MARK4: variants seen among roughly 807,000 people sequenced by gnomAD.
The protein encoded by MARK4 is microtubule affinity regulating kinase 4.
MARK4 carries 19 observed loss-of-function variants against 81.5 expected under a neutral mutation model. The ratio of observed to expected loss-of-function variants is 0.23; its 90% CI spans 0.16 to 0.34. The LOEUF (loss-of-function observed/expected upper bound fraction) is 0.34. Ranked by LOEUF, MARK4 falls within the 10% of genes least tolerant of loss-of-function variation. MARK4 has a pLI of 1.00. For missense variants in MARK4, 772 were observed against 1,058.8 expected (o/e 0.73, Z 3.76); for synonymous variants, 436 against 439.0 (o/e 0.99, Z 0.08).
chr19:45,256,443 GA>G (rs1033600127), intron 1 of MARK4, among the ~76,000 whole-genome samples: 2 of 151,692 alleles, frequency 1.3e-5, no homozygotes, highest in African/African-American at 4.8e-5. Flanking sequence ...GTGTCAAAAA[GA>G]AAAAAAATAA....
chr19:45,289,499 G>A (rs766202011), intron 13 of MARK4, among the ~76,000 whole-genome samples: 2 of 151,726 alleles, frequency 1.3e-5, no homozygotes, highest in Admixed American at 6.6e-5. Flanking sequence ...GGCTGGGCAC[G>A]GTGGCTCATG....
chr19:45,275,217 C>T (rs904964026), intron 8 of MARK4, among the ~76,000 whole-genome samples: 2 of 152,102 alleles, frequency 1.3e-5, no homozygotes, highest in Admixed American at 6.5e-5. Flanking sequence ...GCCGAGATTG[C>T]GCCCCTGCAC....
At chr19:45,267,184 G>A (rs1185014332) in intron 7 of MARK4, among the ~76,000 whole-genome samples, 2 of 152,002 alleles carry the variant, frequency 1.3e-5, no homozygotes, top group Admixed American at 6.6e-5. Flanking sequence ...TCAGCCTCCC[G>A]AGTAGCTGAG....
In MARK4 at chr19:45,263,261, G is replaced by A; in HGVS notation, c.307-58G>A. ...TCCTGCGGGGGCCCGGCTGGGGAAA[G>A]GATCCCCCAAGCCACCCACCCTCAC... On this transcript the variant is annotated intron_variant, in intron 3 of 16. Transcript: ENST00000262891. The A allele has an allele frequency of 1.9e-6, 3 of 1,613,544 alleles. No homozygotes were observed. In the East Asian group the frequency reaches 6.7e-5, roughly 36 times the overall value.
chr19:45,258,235 T>G (rs8111118), intron 1 of MARK4, among the ~76,000 whole-genome samples: 1 of 151,756 alleles, frequency 6.6e-6, no homozygotes. Flanking sequence ...TCCACCCACC[T>G]CAGCCTCCCA....
At chr19:45,279,044 C>G (rs953778136) in intron 10 of MARK4, among the ~76,000 whole-genome samples, 1 of 151,812 alleles carries the variant, frequency 6.6e-6, no homozygotes, top group East Asian at 1.9e-4. Context: ...CATAGGGAGA[C>G]CCTGTCTGTA....
At chr19:45,264,938 ACTGGGTGC>A (rs757401170) in intron 6 of MARK4, 28 bp downstream of exon 6, 1 of 1,611,872 alleles carries the variant, frequency 6.2e-7, no homozygotes, top group South Asian at 1.1e-5. Flanking sequence ...GGTGGGGCTG[ACTGGGTGC>A]CTGGGTCCCT....
intron 10 of MARK4, among the ~76,000 whole-genome samples, chr19:45,279,804 C>T (rs1283655252): frequency 1.3e-5 from 2 of 152,146 alleles, no homozygotes; most frequent in Non-Finnish European, 2.9e-5. Context: ...AGCTTTTTCC[C>T]AGGCTGCTCT....
At chr19:45,286,567 G>C (rs905267751) in intron 12 of MARK4, among the ~76,000 whole-genome samples, 7 of 151,684 alleles carry the variant, frequency 4.6e-5, no homozygotes, top group Admixed American at 3.9e-4. Flanking sequence ...ACAAAAATTA[G>C]GTGGGCATGG....
At chr19:45,266,116 C>T in intron 6 of MARK4, 109 bp from the exon 7 acceptor site, 1 of 1,087,594 alleles carries the variant, frequency 9.2e-7, no homozygotes, top group Non-Finnish European at 1.4e-6. Context: ...AGATCTCAGG[C>T]TGTGCCTTGG....
At chr19:45,285,455 A>G (rs1741307845) in intron 12 of MARK4, among the ~76,000 whole-genome samples, 1 of 151,986 alleles carries the variant, frequency 6.6e-6, no homozygotes, top group African/African-American at 2.4e-5. Flanking sequence ...CTCCACACTG[A>G]AGTGAGGGAG....
chr19:45,282,603 G>C (rs1342071137), intron 12 of MARK4, among the ~76,000 whole-genome samples: 2 of 152,030 alleles, frequency 1.3e-5, no homozygotes, highest in Non-Finnish European at 2.9e-5. Flanking sequence ...CGAGGTGGGA[G>C]GATCACGAGG....
At chr19:45,267,770 C>T (rs1324971929) in intron 7 of MARK4, among the ~76,000 whole-genome samples, 1 of 152,176 alleles carries the variant, frequency 6.6e-6, no homozygotes, top group East Asian at 1.9e-4. Context: ...AAATAGTTCT[C>T]TCACCTCAGC....
intron 2 of MARK4, among the ~76,000 whole-genome samples, chr19:45,260,226 C>A (rs894024837): frequency 6.6e-6 from 1 of 150,788 alleles, no homozygotes; most frequent in Non-Finnish European, 1.5e-5. Flanking sequence ...CCCGTCTCTA[C>A]TAAAAATATA....
rs558400169 is a variant in MARK4 at position 45,281,350 on chromosome 19, T to C, written c.1276+616T>C. ...AGGTGTGAGCCACTGTGCCCAGCCT[T>C]TTCTTTTCTTTTCTTTCTTTTTTTT... On this transcript the variant is annotated intron_variant, in intron 12 of 16. Transcript: ENST00000262891. Among the ~76,000 whole-genome samples the C allele has an allele frequency of 2.5e-5, 3 of 118,042 alleles. No homozygotes were observed. In the South Asian group the frequency reaches 7.9e-4, roughly 31 times the overall value. The allele number at this position is 118,042 out of a possible 152,430, so 77.4% of individuals were successfully genotyped here.
intron 8 of MARK4, among the ~76,000 whole-genome samples, chr19:45,275,223 T>C (rs1274733556): frequency 2.0e-5 from 3 of 152,154 alleles, no homozygotes; most frequent in Non-Finnish European, 4.4e-5. Context: ...ATTGCGCCCC[T>C]GCACTCCAGC....
chr19:45,280,270 C>T, intron 10 of MARK4, 104 bp from the exon 11 acceptor site: 2 of 1,037,996 alleles, frequency 1.9e-6, no homozygotes, highest in Non-Finnish European at 3.0e-6. Context: ...CCACTGCACT[C>T]CAGCCTGGGT....
At chr19:45,270,526 A>C (rs1970512150) in intron 7 of MARK4, among the ~76,000 whole-genome samples, 1 of 152,196 alleles carries the variant, frequency 6.6e-6, no homozygotes, top group Non-Finnish European at 1.5e-5. Context: ...GATTACCTGA[A>C]GACCCCTAGA....
intron 13 of MARK4, among the ~76,000 whole-genome samples, chr19:45,292,538 C>T (rs1472989838): frequency 1.3e-5 from 2 of 152,014 alleles, no homozygotes; most frequent in Non-Finnish European, 1.5e-5. Flanking sequence ...TAAACGAAAC[C>T]CACACCTTAA....
Sources: allele counts gnomAD v4.1 joint callset (sites outside exome capture counted in the v4.1 genomes callset), GRCh38; gene constraint gnomAD v4.1.1; transcripts MANE v1.5; gene names NCBI Gene and HGNC (gene_info 2026-07-23, HGNC 2026-07-21).